COL24A1: variants seen among roughly 807,000 people sequenced by gnomAD.
COL24A1 encodes the protein collagen type XXIV alpha 1 chain.
A neutral mutation model predicts 253.9 loss-of-function variants in COL24A1; 224 were observed. The observed-to-expected ratio is 0.88, with a 90% confidence interval of 0.79 to 0.99. The LOEUF (loss-of-function observed/expected upper bound fraction) is 0.99, where lower values mean the gene tolerates loss of function less well. Among genes scored for constraint, COL24A1 ranks in the 50% least tolerant of loss-of-function variants. The probability of loss-of-function intolerance (pLI) is 0.00; values close to 1 mark genes in which losing one functional copy is unlikely to be tolerated. For missense variants in COL24A1, 2,131 were observed against 2,068.5 expected (o/e 1.03, Z -0.59); for synonymous variants, 685 against 673.7 (o/e 1.02, Z -0.26).
intron 10 of COL24A1, among the ~76,000 whole-genome samples, chr1:86,055,131 T>C (rs781719414): frequency 2.7e-4 from 41 of 151,930 alleles, no homozygotes; most frequent in Admixed American, 4.6e-4. Flanking sequence ...ATAAACACTA[T>C]AGATTCCCTA....
chr1:85,789,282 G>A (rs921157342), intron 47 of COL24A1, among the ~76,000 whole-genome samples: 2 of 152,032 alleles, frequency 1.3e-5, no homozygotes, highest in Non-Finnish European at 2.9e-5. Flanking sequence ...TATTTCCCTT[G>A]TTAGCTATAT....
chr1:86,085,696 T>A (rs1703010310), intron 7 of COL24A1, among the ~76,000 whole-genome samples: 1 of 152,218 alleles, frequency 6.6e-6, no homozygotes, highest in Non-Finnish European at 1.5e-5. Context: ...ACCTGTTTTT[T>A]GGCAAAAATT....
chr1:85,838,662 A>C, intron 42 of COL24A1, 24 bp from the exon 43 acceptor site: 2 of 1,608,200 alleles, frequency 1.2e-6, no homozygotes, highest in Non-Finnish European at 1.7e-6. Context: ...ACACAAAACA[A>C]TCAGTTTTAC....
chr1:86,101,428 A>C (rs538221558), intron 5 of COL24A1, among the ~76,000 whole-genome samples: 18 of 152,222 alleles, frequency 1.2e-4, no homozygotes, highest in African/African-American at 4.1e-4. Context: ...ACTGTGTTGA[A>C]TAGAAGTGGT....
intron 20 of COL24A1, among the ~76,000 whole-genome samples, chr1:85,972,634 T>G (rs1692286834): frequency 1.3e-5 from 2 of 151,262 alleles, no homozygotes. Flanking sequence ...CTCTCTTCAC[T>G]TTTAGTGCAC....
intron 24 of COL24A1, among the ~76,000 whole-genome samples, chr1:85,941,510 G>C (rs534114138): frequency 6.6e-6 from 1 of 152,192 alleles, no homozygotes; most frequent in South Asian, 2.1e-4. Context: ...AGATAATTCT[G>C]TTCATATTTT....
chr1:86,076,207 A>G (rs1702231843), intron 7 of COL24A1, among the ~76,000 whole-genome samples: 1 of 152,186 alleles, frequency 6.6e-6, no homozygotes, highest in Non-Finnish European at 1.5e-5. Flanking sequence ...CTCAGGATAC[A>G]AAATCACTGT....
At chr1:85,787,761 G>T (rs12753056) in intron 47 of COL24A1, among the ~76,000 whole-genome samples, 1 of 151,782 alleles carries the variant, frequency 6.6e-6, no homozygotes, top group African/African-American at 2.4e-5. Context: ...TGGTATTTCT[G>T]GTATTCCTGG....
chr1:85,982,254 A>AG (rs1693327262), intron 20 of COL24A1, among the ~76,000 whole-genome samples: 1 of 152,068 alleles, frequency 6.6e-6, no homozygotes, highest in Non-Finnish European at 1.5e-5. Flanking sequence ...GCTAATTGCC[A>AG]GGGGCTGTGG....
chr1:85,792,419 G>A (rs1375577721), intron 47 of COL24A1, among the ~76,000 whole-genome samples: 1 of 151,382 alleles, frequency 6.6e-6, no homozygotes, highest in Non-Finnish European at 1.5e-5. Context: ...AGGTGTGGTG[G>A]CTCATCCCTG....
chr1:86,048,403 G>A (rs537577619), intron 11 of COL24A1, among the ~76,000 whole-genome samples: 40 of 151,918 alleles, frequency 2.6e-4, no homozygotes, highest in Non-Finnish European at 4.1e-4. Context: ...TGAAAATTTT[G>A]ACATAGCCAA....
In COL24A1 at chr1:85,971,504, A is replaced by G. The variant is rs938425531; in HGVS notation, c.2365-111T>C. 4.9e-5 allele frequency: 44 copies of G among 891,058 alleles called. No individual in the cohort carries two copies. In the African/African-American group the frequency reaches 7.1e-4, roughly 14 times the overall value. The allele number at this position is 891,058 out of a possible 1,614,324, so 55.2% of individuals were successfully genotyped here. ...TACTCTTTGAAACCATTCATTTCCC[A>G]TTAAGAAGTCCTCAAAATGGGTTGC... On this transcript the variant is annotated intron_variant, in intron 20 of 59. Transcript: ENST00000370571.
intron 27 of COL24A1, 147 bp from the exon 28 acceptor site, chr1:85,907,394 T>G: frequency 1.6e-6 from 1 of 626,080 alleles, no homozygotes. Flanking sequence ...TTAATCACAC[T>G]GCCCTCTACC....
intron 33 of COL24A1, 60 bp from the exon 34 acceptor site, chr1:85,875,390 G>T: frequency 1.5e-6 from 2 of 1,370,814 alleles, no homozygotes; most frequent in South Asian, 1.2e-5. Context: ...GAAGATGGTG[G>T]TAACACTGAA....
intron 38 of COL24A1, among the ~76,000 whole-genome samples, chr1:85,848,172 T>C (rs1558375508): frequency 6.6e-6 from 1 of 152,246 alleles, no homozygotes; most frequent in Non-Finnish European, 1.5e-5. Flanking sequence ...AGCTCCAGTG[T>C]GCAGTTCTGT....
intron 51 of COL24A1, among the ~76,000 whole-genome samples, chr1:85,782,604 C>A (rs931292944): frequency 3.9e-5 from 6 of 152,282 alleles, no homozygotes; most frequent in Admixed American, 1.3e-4. Flanking sequence ...GGACAAAAAA[C>A]CTTTTTGCAT....
chr1:85,869,198 C>G (rs1680130481), intron 35 of COL24A1, among the ~76,000 whole-genome samples: 1 of 152,080 alleles, frequency 6.6e-6, no homozygotes, highest in South Asian at 2.1e-4. Context: ...AGTTATAGTG[C>G]TTTGCTATAT....
At chr1:85,808,965 A>C (rs1672255615) in intron 47 of COL24A1, among the ~76,000 whole-genome samples, 1 of 152,176 alleles carries the variant, frequency 6.6e-6, no homozygotes, top group Non-Finnish European at 1.5e-5. Context: ...GGGGTGTGGA[A>C]AACTGTCCTT....
intron 5 of COL24A1, among the ~76,000 whole-genome samples, chr1:86,092,561 T>C (rs1703581319): frequency 6.6e-6 from 1 of 151,976 alleles, no homozygotes; most frequent in Non-Finnish European, 1.5e-5. Context: ...ATCTAATAAA[T>C]TTAAAGTTAT....
Sources: allele counts gnomAD v4.1 joint callset (sites outside exome capture counted in the v4.1 genomes callset), GRCh38; gene constraint gnomAD v4.1.1; transcripts MANE v1.5; gene names NCBI Gene and HGNC (gene_info 2026-07-23, HGNC 2026-07-21).